The following RXRG variants were observed in gnomAD, a reference collection of about 807,000 sequenced individuals.
The protein encoded by RXRG is retinoid X receptor gamma.
A neutral mutation model predicts 49.2 loss-of-function variants in RXRG; 19 were observed. The observed-to-expected ratio is 0.39, with a 90% confidence interval of 0.27 to 0.57. RXRG has a LOEUF of 0.57. RXRG is among the 20% of genes least tolerant of loss of function. The pLI, the probability that RXRG is intolerant of heterozygous loss-of-function variation, is 0.64. For synonymous variants in RXRG, 224 were observed against 216.6 expected (o/e 1.03, Z -0.30); for missense variants, 452 against 592.5 (o/e 0.76, Z 2.46).
chr1:165,423,845 A>C (rs1230226043), intron 2 of RXRG, among the ~76,000 whole-genome samples: 1 of 152,218 alleles, frequency 6.6e-6, no homozygotes, highest in Non-Finnish European at 1.5e-5. Flanking sequence ...TTTTAAAATC[A>C]TCAGACGAGA....
At chr1:165,419,005 C>G (rs910627220) in intron 3 of RXRG, among the ~76,000 whole-genome samples, 2 of 152,184 alleles carry the variant, frequency 1.3e-5, no homozygotes, top group African/African-American at 4.8e-5. Context: ...AGTTAGCCAT[C>G]ATGGACAGCT....
intron 1 of RXRG, chr1:165,436,857 T>G: frequency 6.0e-6 from 6 of 1,000,848 alleles, no homozygotes; most frequent in South Asian, 5.9e-5. Flanking sequence ...ACAGCAAGAG[T>G]TTCAAGGTTA....
chr1:165,426,904 G>T (rs1280210540), intron 2 of RXRG, among the ~76,000 whole-genome samples: 1 of 152,108 alleles, frequency 6.6e-6, no homozygotes, highest in Non-Finnish European at 1.5e-5. Context: ...AAGAGCAAAT[G>T]CTTCAGTTCA....
chr1:165,420,659 A>T (rs529832940), intron 2 of RXRG, among the ~76,000 whole-genome samples: 1 of 152,322 alleles, frequency 6.6e-6, no homozygotes, highest in South Asian at 2.1e-4. Flanking sequence ...ATTGTAAGTT[A>T]ATATCAGCTC....
At chr1:165,409,168 C>T (rs1657853694) in intron 7 of RXRG, among the ~76,000 whole-genome samples, 1 of 152,140 alleles carries the variant, frequency 6.6e-6, no homozygotes, top group Non-Finnish European at 1.5e-5. Context: ...CCTTTCCCAT[C>T]CTTGGCCCCC....
intron 9 of RXRG, among the ~76,000 whole-genome samples, chr1:165,402,907 G>C (rs1255742489): frequency 6.6e-6 from 1 of 151,528 alleles, no homozygotes; most frequent in Non-Finnish European, 1.5e-5. Context: ...CATATCTCAT[G>C]CCTGTGGTCT....
At chr1:165,411,368 C>A (rs10918173) in intron 4 of RXRG, among the ~76,000 whole-genome samples, 2,574 of 152,226 alleles carry the variant, frequency 0.017, 80 homozygotes, top group African/African-American at 0.059. Flanking sequence ...CCATTTTAAG[C>A]TTTAATAAAC....
chr1:165,406,752 A>G (rs1657764313), intron 9 of RXRG, 60 bp downstream of exon 9: 1 of 1,177,174 alleles, frequency 8.5e-7, no homozygotes, highest in East Asian at 2.3e-5. Context: ...TTAGGGGCTC[A>G]GTAGATGAAG....
intron 9 of RXRG, among the ~76,000 whole-genome samples, chr1:165,402,670 A>G (rs530458236): frequency 1.3e-4 from 20 of 152,094 alleles, no homozygotes; most frequent in African/African-American, 4.8e-4. Flanking sequence ...ACCCTCACAC[A>G]TACACACATG....
chr1:165,432,048 T>C (rs1658688661), intron 1 of RXRG, among the ~76,000 whole-genome samples: 1 of 152,164 alleles, frequency 6.6e-6, no homozygotes, highest in African/African-American at 2.4e-5. Context: ...TTAAAAAACA[T>C]CAACCTGCAT....
At chr1:165,406,316 T>C (rs1013646488) in intron 9 of RXRG, among the ~76,000 whole-genome samples, 2 of 152,192 alleles carry the variant, frequency 1.3e-5, no homozygotes, top group African/African-American at 4.8e-5. Context: ...CCAGCATCCA[T>C]ATCTTCTGGC....
Position 165,428,757 on chromosome 1 carries a change from G to T in RXRG, c.259C>A (p.Pro87Thr). 6.2e-7 allele frequency: 1 copy of T among 1,605,494 alleles called. No individual in the cohort carries two copies. The highest frequency in any genetic ancestry group is 8.5e-7 in the Non-Finnish European group (1 of 1,173,222). The change falls in exon 2 of 10, where the codon CCT becomes ACT. Residue 87 changes from proline (P) to threonine (T), a missense_variant. Pro to Thr is a conservative substitution (Grantham distance 38). Transcript: ENST00000359842. ...GGGGCAACCAAGTTGATTCCTGGAG[G>T]CGCTGCAAGTGCTCCTGAGGGTGGG... ...MGPPSGALAA[P>T]PGINLVAPPS...
At chr1:165,421,547 C>A (rs74467967) in intron 2 of RXRG, among the ~76,000 whole-genome samples, 5 of 118,370 alleles carry the variant, frequency 4.2e-5, no homozygotes, top group African/African-American at 1.6e-4. Flanking sequence ...TTTTTTTTTC[C>A]TTTTTTTGAG....
intron 8 of RXRG, 76 bp downstream of exon 8, chr1:165,408,151 A>G: frequency 8.9e-7 from 1 of 1,117,432 alleles, no homozygotes; most frequent in South Asian, 1.3e-5. Flanking sequence ...TGGAGGACCA[A>G]TAACATGGGA....
chr1:165,411,679 C>T (rs548682456), intron 4 of RXRG, among the ~76,000 whole-genome samples: 6 of 152,188 alleles, frequency 3.9e-5, no homozygotes, highest in African/African-American at 1.4e-4. Flanking sequence ...AGGGATGTCA[C>T]CTAGATGACA....
intron 2 of RXRG, chr1:165,425,039 C>T: frequency 1.2e-6 from 1 of 825,796 alleles, no homozygotes; most frequent in Non-Finnish European, 1.5e-6. Flanking sequence ...CAAACTTGGC[C>T]TTGGCCTCTG....
intron 2 of RXRG, 52 bp downstream of exon 2, chr1:165,428,667 G>C: frequency 2.6e-6 from 4 of 1,540,642 alleles, no homozygotes; most frequent in Non-Finnish European, 3.5e-6. Context: ...GAGCAGCCTG[G>C]GTGAAACCAT....
At chr1:165,415,090 G>T (rs915477806) in intron 4 of RXRG, among the ~76,000 whole-genome samples, 4 of 152,304 alleles carry the variant, frequency 2.6e-5, no homozygotes, top group African/African-American at 9.6e-5. Flanking sequence ...AGACAAGGAA[G>T]GGTTGGGGGT....
chr1:165,403,887 C>A (rs1657661994), intron 9 of RXRG, among the ~76,000 whole-genome samples: 1 of 152,214 alleles, frequency 6.6e-6, no homozygotes, highest in African/African-American at 2.4e-5. Flanking sequence ...TAAACACACC[C>A]ATGAACGTCA....
Sources: allele counts gnomAD v4.1 joint callset (sites outside exome capture counted in the v4.1 genomes callset), GRCh38; gene constraint gnomAD v4.1.1; transcripts MANE v1.5; gene names NCBI Gene and HGNC (gene_info 2026-07-23, HGNC 2026-07-21).